Variants in CFAP20DC observed in about 807,000 individuals in gnomAD.
The protein encoded by CFAP20DC is CFAP20 domain containing, also known as protein CFAP20DC.
Under a neutral mutation model 101.7 loss-of-function variants are expected in CFAP20DC, and 84 were observed. The ratio of observed to expected loss-of-function variants is 0.83; its 90% CI spans 0.69 to 0.99. The LOEUF (loss-of-function observed/expected upper bound fraction) is 0.99, where lower values mean the gene tolerates loss of function less well. CFAP20DC is among the 50% of genes least tolerant of loss of function. CFAP20DC has a pLI of 0.00. For missense variants in CFAP20DC, 1,007 were observed against 970.3 expected (o/e 1.04, Z -0.50); for synonymous variants, 359 against 351.2 (o/e 1.02, Z -0.25).
chr3:58,867,876 T>A lies in CFAP20DC; in HGVS notation c.1076A>T (p.Asn359Ile). 6.2e-7 allele frequency: 1 copy of A among 1,613,734 alleles called. No individual in the cohort carries two copies. Among genetic ancestry groups the A allele is most frequent in the South Asian group, 1.1e-5 (1 of 91,054 alleles). Residue 359 changes from asparagine to isoleucine, a missense_variant, in exon 10 of 17, where the codon AAT (asparagine) becomes ATT (isoleucine). Transcript: ENST00000482387. Reference protein sequence around the residue: ...PPQEPSADKNNNRRRLRLKST... With the variant: ...PPQEPSADKNINRRRLRLKST... ...TTTTAACCGTAATCTTCTTCTGTTA[T>A]TATTCTTATCTGCTGATGGTTCTTG...
At chr3:58,999,251 G>A (rs1289553277) in intron 4 of CFAP20DC, among the ~76,000 whole-genome samples, 2 of 152,256 alleles carry the variant, frequency 1.3e-5, no homozygotes, top group Non-Finnish European at 2.9e-5. Flanking sequence ...TTAGAAGCCA[G>A]TGATGTCTGG....
chr3:58,879,888 T>C (rs1183213514), intron 7 of CFAP20DC, among the ~76,000 whole-genome samples: 1 of 152,126 alleles, frequency 6.6e-6, no homozygotes, highest in Non-Finnish European at 1.5e-5. Context: ...TATTAAACCA[T>C]AAACTAAAAA....
chr3:58,736,103 A>G (rs1160512702), intron 3 of CFAP20DC, among the ~76,000 whole-genome samples: 1 of 152,214 alleles, frequency 6.6e-6, no homozygotes, highest in Non-Finnish European at 1.5e-5. Context: ...AGACCTAGGT[A>G]CTGAGATGAA....
chr3:58,933,318 T>G (rs574497827), intron 5 of CFAP20DC, among the ~76,000 whole-genome samples: 2,242 of 151,456 alleles, frequency 0.015, 28 homozygotes, highest in Middle Eastern at 0.045. Flanking sequence ...CACACAATAA[T>G]AATGGGAGAC....
chr3:58,981,402 A>G (rs2108503758), intron 4 of CFAP20DC, among the ~76,000 whole-genome samples: 1 of 152,290 alleles, frequency 6.6e-6, no homozygotes, highest in Admixed American at 6.5e-5. Context: ...TCGCCAAGTC[A>G]ATCCTAAGCC....
At chr3:58,993,736 T>C (rs1036019581) in intron 4 of CFAP20DC, among the ~76,000 whole-genome samples, 5 of 152,194 alleles carry the variant, frequency 3.3e-5, no homozygotes, top group Non-Finnish European at 7.3e-5. Flanking sequence ...TCCAGCTACA[T>C]CTGTGTCCCT....
At chr3:58,759,129 G>T (rs2069269391) in intron 15 of CFAP20DC, among the ~76,000 whole-genome samples, 1 of 152,026 alleles carries the variant, frequency 6.6e-6, no homozygotes, top group Non-Finnish European at 1.5e-5. Context: ...TTCCACAATG[G>T]TTGAACTAGT....
At chr3:58,789,430 A>G (rs2072663731) in intron 15 of CFAP20DC, among the ~76,000 whole-genome samples, 2 of 152,148 alleles carry the variant, frequency 1.3e-5, no homozygotes, top group Non-Finnish European at 1.5e-5. Context: ...ATTATCAGAT[A>G]CCTTATTTAT....
In CFAP20DC at chr3:58,971,316, C is replaced by G. The variant is rs2091935354; in HGVS notation, c.279-33554G>C. Among the ~76,000 whole-genome samples the G allele has an allele frequency of 6.6e-6, 1 of 152,118 alleles. No homozygotes were observed. Among genetic ancestry groups the G allele is most frequent in the Non-Finnish European group, 1.5e-5 (1 of 67,996 alleles). On this transcript the variant is annotated intron_variant, in intron 4 of 16. Coordinates refer to ENST00000482387, the MANE Select transcript of CFAP20DC (RefSeq NM_001394063.1). This position sits in a 1 kb window ranked among gnomAD's most constrained non-coding sequence, Gnocchi z 4.1. Reference sequence around the variant, plus strand: ...TAAGATATTTCCAATTATTTATAGTCTTGAAAACTTTTTTTTAAAGTTTAA... The same window carrying G: ...TAAGATATTTCCAATTATTTATAGTGTTGAAAACTTTTTTTTAAAGTTTAA...
At chr3:58,984,616 C>T (rs2092691456) in intron 4 of CFAP20DC, among the ~76,000 whole-genome samples, 1 of 152,144 alleles carries the variant, frequency 6.6e-6, no homozygotes, top group Admixed American at 6.5e-5. Context: ...TCTTGAATTG[C>T]TCATCATTTC....
chr3:58,838,442 C>G (rs2076885959), intron 13 of CFAP20DC, among the ~76,000 whole-genome samples: 2 of 152,172 alleles, frequency 1.3e-5, no homozygotes, highest in South Asian at 4.1e-4. Flanking sequence ...ACTTCATTAA[C>G]TATGCACACC....
intron 5 of CFAP20DC, among the ~76,000 whole-genome samples, chr3:58,933,456 C>A (rs2087025022): frequency 6.6e-6 from 1 of 152,344 alleles, no homozygotes; most frequent in East Asian, 1.9e-4. Flanking sequence ...CACCCCAAAT[C>A]AACAGAATAC....
At chr3:58,830,924 T>C (rs1440777772) in intron 14 of CFAP20DC, among the ~76,000 whole-genome samples, 1 of 152,208 alleles carries the variant, frequency 6.6e-6, no homozygotes, top group Non-Finnish European at 1.5e-5. Flanking sequence ...GTTCGACTGT[T>C]GTTTACGCTC....
intron 3 of CFAP20DC, among the ~76,000 whole-genome samples, chr3:58,734,054 T>C (rs2067698871): frequency 6.6e-6 from 1 of 152,200 alleles, no homozygotes; most frequent in Non-Finnish European, 1.5e-5. Context: ...ATTTCCCCTA[T>C]GCTGTTCTCA....
At chr3:58,890,569 C>A (rs539381482) in intron 6 of CFAP20DC, among the ~76,000 whole-genome samples, 1 of 149,650 alleles carries the variant, frequency 6.7e-6, no homozygotes, top group African/African-American at 2.5e-5. Flanking sequence ...GGGGGGCTGA[C>A]CCCCCCACCT....
intron 15 of CFAP20DC, among the ~76,000 whole-genome samples, chr3:58,805,180 G>C (rs2073969273): frequency 6.6e-6 from 1 of 152,208 alleles, no homozygotes; most frequent in Non-Finnish European, 1.5e-5. Context: ...GACGTAGTCT[G>C]TTAGCCTCTA....
chr3:58,846,926 A>G (rs1399287304), intron 13 of CFAP20DC, among the ~76,000 whole-genome samples: 2 of 150,044 alleles, frequency 1.3e-5, no homozygotes, highest in Non-Finnish European at 1.5e-5. Flanking sequence ...AGGATTCCCT[A>G]TTTAATAAAT....
intron 4 of CFAP20DC, among the ~76,000 whole-genome samples, chr3:58,953,262 C>A (rs1214543356): frequency 6.6e-6 from 1 of 152,162 alleles, no homozygotes; most frequent in Non-Finnish European, 1.5e-5. Context: ...TATCTTTCAA[C>A]GTAATCCAAC....
chr3:58,912,811 T>A lies in CFAP20DC; in HGVS notation c.550+897A>T, dbSNP rs1193980429. 2.3e-6 allele frequency: 1 copy of A among 439,720 alleles called. No individual in the cohort carries two copies. The highest frequency in any genetic ancestry group is 4.5e-6 in the Non-Finnish European group (1 of 222,266). The allele number at this position is 439,720 out of a possible 1,614,324, so 27.2% of individuals were successfully genotyped here. Reference sequence around the variant, plus strand: ...AATATTTCTAGTCTCTCTAGAAATATGAGGAAGAACTCAACTCTTTCCATT... The same window carrying A: ...AATATTTCTAGTCTCTCTAGAAATAAGAGGAAGAACTCAACTCTTTCCATT... On this transcript the variant is annotated intron_variant, in intron 6 of 16. Transcript: ENST00000482387. This position sits in a 1 kb window ranked among gnomAD's most constrained non-coding sequence, Gnocchi z 4.4.
Sources: allele counts gnomAD v4.1 joint callset (sites outside exome capture counted in the v4.1 genomes callset), GRCh38; gene constraint gnomAD v4.1.1; non-coding constraint Gnocchi (gnomAD v3.1); transcripts MANE v1.5; gene names NCBI Gene and HGNC (gene_info 2026-07-23, HGNC 2026-07-21).